The following MICU3 variants were observed in gnomAD, a reference collection of about 807,000 sequenced individuals.
The protein encoded by MICU3 is mitochondrial calcium uptake 3, also known as calcium uptake protein 3, mitochondrial.
A neutral mutation model predicts 66.5 loss-of-function variants in MICU3; 62 were observed. The observed-to-expected ratio is 0.93, with a 90% confidence interval of 0.76 to 1.15. MICU3 has a LOEUF of 1.15. Ranked by LOEUF, MICU3 falls within the 50% of genes most tolerant of loss-of-function variation. MICU3 has a pLI of 0.00. For missense variants in MICU3, 779 were observed against 664.4 expected, an observed-to-expected ratio of 1.17 and a Z score of -1.90; for synonymous variants, 308 against 240.7, an observed-to-expected ratio of 1.28 and a Z score of -2.59.
chr8:17,032,117 C>G (rs774573998), intron 1 of MICU3, among the ~76,000 whole-genome samples: 1 of 152,180 alleles, frequency 6.6e-6, no homozygotes, highest in Non-Finnish European at 1.5e-5. Context: ...ATATTTTGTT[C>G]AGCTAAAGCA....
intron 8 of MICU3, among the ~76,000 whole-genome samples, chr8:17,092,428 C>A (rs1800171101): frequency 6.6e-6 from 1 of 151,784 alleles, no homozygotes; most frequent in African/African-American, 2.4e-5. Flanking sequence ...ACTTAAATCG[C>A]AAATTTTATT....
At chr8:17,029,268 G>T (rs1039197348) in intron 1 of MICU3, among the ~76,000 whole-genome samples, 1 of 152,204 alleles carries the variant, frequency 6.6e-6, no homozygotes, top group African/African-American at 2.4e-5. Flanking sequence ...CTGAGGTCAG[G>T]AGTTCGAGAC....
chr8:17,067,407 C>T (rs916767103), intron 2 of MICU3, among the ~76,000 whole-genome samples: 11 of 151,592 alleles, frequency 7.3e-5, no homozygotes, highest in Non-Finnish European at 1.0e-4. Flanking sequence ...TCATCATCAT[C>T]GTCATCAGAA....
intron 1 of MICU3, among the ~76,000 whole-genome samples, chr8:17,053,084 C>T (rs191333217): frequency 9.2e-5 from 14 of 152,086 alleles, no homozygotes; most frequent in Admixed American, 9.2e-4. Flanking sequence ...CTTAAAGAAA[C>T]TAATAAGGAT....
intron 7 of MICU3, among the ~76,000 whole-genome samples, chr8:17,089,558 T>C (rs905931169): frequency 1.3e-5 from 2 of 152,074 alleles, no homozygotes; most frequent in Non-Finnish European, 2.9e-5. Flanking sequence ...ATTTAACTTA[T>C]TGTGAAAATA....
At chr8:17,048,323 A>G (rs1815454164) in intron 1 of MICU3, among the ~76,000 whole-genome samples, 1 of 147,160 alleles carries the variant, frequency 6.8e-6, no homozygotes, top group African/African-American at 2.5e-5. Context: ...GAAAAAGAAA[A>G]CACGATAGAA....
chr8:17,123,119 A>C (rs529045066), downstream of MICU3, among the ~76,000 whole-genome samples: 1 of 152,268 alleles, frequency 6.6e-6, no homozygotes, highest in African/African-American at 2.4e-5. Context: ...GTAAGTGATA[A>C]GAAATCACTG....
At chr8:17,080,749 G>C (rs1472766159) in intron 4 of MICU3, among the ~76,000 whole-genome samples, 1 of 152,092 alleles carries the variant, frequency 6.6e-6, no homozygotes, top group Non-Finnish European at 1.5e-5. Flanking sequence ...TCATGTCTCT[G>C]ACAAACTGCC....
intron 14 of MICU3, among the ~76,000 whole-genome samples, chr8:17,119,719 A>G (rs572029002): frequency 3.5e-4 from 53 of 152,268 alleles, no homozygotes; most frequent in African/African-American, 1.1e-3. Flanking sequence ...ATATGCTACT[A>G]TGCATTTTGT....
At position 17,071,678 on chromosome 8, in the gene MICU3, A is replaced by G. The variant is rs146373485; in HGVS notation, c.567+1959A>G. Among the ~76,000 whole-genome samples the G allele has an allele frequency of 8.3e-3, 1,271 of 152,328 alleles. 12 individuals carry two copies. The highest frequency in any genetic ancestry group is 0.029 in the African/African-American group (1,200 of 41,564). ...GATTGGAAGAAAAATGTAAAAATAC[A>G]TAAATTTTAGATTTGTTTAAATTTA... On this transcript the variant is annotated intron_variant, in intron 3 of 14. Transcript: ENST00000318063.
intron 7 of MICU3, among the ~76,000 whole-genome samples, chr8:17,089,104 G>C (rs139373822): frequency 2.4e-3 from 372 of 151,904 alleles, no homozygotes; most frequent in African/African-American, 8.6e-3. Context: ...ATAAACGAAT[G>C]CTTACTAAAG....
chr8:17,119,219 G>C (rs1176334555), intron 14 of MICU3, among the ~76,000 whole-genome samples: 1 of 152,130 alleles, frequency 6.6e-6, no homozygotes, highest in Non-Finnish European at 1.5e-5. Flanking sequence ...TAACTTGCTA[G>C]TCAGTGGAAA....
At chr8:17,037,150 G>T (rs949327670) in intron 1 of MICU3, among the ~76,000 whole-genome samples, 39 of 152,316 alleles carry the variant, frequency 2.6e-4, no homozygotes, top group African/African-American at 8.2e-4. Context: ...TGGAACTCCA[G>T]CTGGCCCACA....
At chr8:17,033,046 C>T (rs1351557207) in intron 1 of MICU3, among the ~76,000 whole-genome samples, 1 of 152,166 alleles carries the variant, frequency 6.6e-6, no homozygotes, top group South Asian at 2.1e-4. Context: ...TTTCCCTCTT[C>T]TCGGGCCTCC....
At chr8:17,082,483 C>G (rs1409596335) in intron 5 of MICU3, among the ~76,000 whole-genome samples, 1 of 152,150 alleles carries the variant, frequency 6.6e-6, no homozygotes, top group Non-Finnish European at 1.5e-5. Flanking sequence ...TTCTTCATAT[C>G]AGACTATTTG....
At position 17,120,634 on chromosome 8, in the gene MICU3, C is replaced by G. The variant is rs917943859; in HGVS notation, c.*347C>G. 6.6e-6 allele frequency: 1 copy of G among 152,110 alleles called. No individual in the cohort carries two copies. The highest frequency in any genetic ancestry group is 1.5e-5 in the Non-Finnish European group (1 of 67,862). 9.4% of individuals were successfully genotyped at this position (152,110 alleles called of 1,614,324 possible). Reference sequence around the variant, plus strand: ...TTTTATTTATTCATTAGAAATTTTCCTCATTTCAAAATAATTTATGACTCA... The same window carrying G: ...TTTTATTTATTCATTAGAAATTTTCGTCATTTCAAAATAATTTATGACTCA... On this transcript the variant is annotated 3_prime_UTR_variant, in exon 15 of 15. Coordinates refer to ENST00000318063, the MANE Select transcript of MICU3 (RefSeq NM_181723.3).
intron 1 of MICU3, among the ~76,000 whole-genome samples, chr8:17,063,364 T>G (rs1161661657): frequency 6.6e-6 from 1 of 152,122 alleles, no homozygotes; most frequent in Admixed American, 6.5e-5. Context: ...CTTAACAAAT[T>G]TTTTACAATT....
At position 17,122,374 on chromosome 8, in the gene MICU3, T is replaced by C. The variant is rs1283557468; in HGVS notation, c.*2087T>C. On this transcript the variant is annotated 3_prime_UTR_variant, in exon 15 of 15. Transcript: ENST00000318063. ...TTTGCTAGTGGTTTGAAAATAATAA[T>C]GTACTGACTACATGTATGCTGTTAT... is the stretch of plus-strand genomic sequence containing the variant. 1 of 151,916 alleles carries C rather than the reference T, an allele frequency of 6.6e-6. No individual in the cohort carries two copies. Among genetic ancestry groups the C allele is most frequent in the East Asian group, 1.9e-4 (1 of 5,202 alleles). The allele number at this position is 151,916 out of a possible 1,614,324, so 9.4% of individuals were successfully genotyped here. A position where few individuals can be genotyped will look rare whatever the true frequency, so the allele number is the denominator to read the frequency against.
At chr8:17,105,258 T>C (rs1398239402) in intron 10 of MICU3, among the ~76,000 whole-genome samples, 155 bp from the exon 11 acceptor site, 1 of 152,024 alleles carries the variant, frequency 6.6e-6, no homozygotes, top group Non-Finnish European at 1.5e-5. Context: ...GTGTGTTCTT[T>C]TCATTCTCAT....
Sources: gnomAD v4.1 joint callset for allele counts (sites outside exome capture counted in the v4.1 genomes callset) on GRCh38, gnomAD v4.1.1 for gene constraint, MANE v1.5 for transcripts, NCBI Gene and HGNC (gene_info 2026-07-23, HGNC 2026-07-21) for gene names.